Variants in GRXCR1 observed in about 807,000 individuals in gnomAD.
The protein encoded by GRXCR1 is glutaredoxin and cysteine rich domain containing 1.
In GRXCR1, 27 loss-of-function variants were observed where a neutral mutation model predicts 27.3. The observed-to-expected ratio is 0.99, with a 90% CI of 0.73 to 1.37. The LOEUF (loss-of-function observed/expected upper bound fraction) is 1.37. GRXCR1 is among the 40% of genes most tolerant of loss of function. The pLI, the probability that GRXCR1 is intolerant of heterozygous loss-of-function variation, is 0.00. For synonymous variants in GRXCR1, 122 were observed against 131.1 expected (o/e 0.93, Z 0.47); for missense variants, 379 against 354.4 (o/e 1.07, Z -0.56).
intron 1 of GRXCR1, among the ~76,000 whole-genome samples, chr4:42,930,518 G>T (rs1747282222): frequency 6.6e-6 from 1 of 151,850 alleles, no homozygotes; most frequent in African/African-American, 2.4e-5. Context: ...CCTCTATGTA[G>T]TTGTCTAGCT....
At chr4:42,965,983 T>C (rs1748229045) in intron 2 of GRXCR1, among the ~76,000 whole-genome samples, 1 of 151,954 alleles carries the variant, frequency 6.6e-6, no homozygotes, top group African/African-American at 2.4e-5. Flanking sequence ...GCTCTTTTTT[T>C]CCTGATGACT....
chr4:43,025,548 C>A (rs765735523), intron 3 of GRXCR1, among the ~76,000 whole-genome samples: 5 of 152,202 alleles, frequency 3.3e-5, no homozygotes, highest in African/African-American at 4.8e-5. Flanking sequence ...CTTGTCTCAA[C>A]CCAAACCACT....
At chr4:43,005,821 G>A (rs928262252) in intron 2 of GRXCR1, among the ~76,000 whole-genome samples, 1 of 152,152 alleles carries the variant, frequency 6.6e-6, no homozygotes, top group Non-Finnish European at 1.5e-5. Context: ...ATACAGCATG[G>A]TCTTCATGAA....
intron 1 of GRXCR1, among the ~76,000 whole-genome samples, chr4:42,911,639 G>A (rs935820960): frequency 4.6e-5 from 7 of 152,036 alleles, no homozygotes; most frequent in African/African-American, 1.7e-4. Flanking sequence ...ATTTACAGCA[G>A]TGACTATGGG....
rs190329800 is a variant in GRXCR1, at chr4:42,898,415, T to C, written c.384+4765T>C. The stretch of plus-strand genomic sequence containing the variant: ...AAGAGGATGACTTGTTTACCTCAAG[T>C]ATACTGGTGCTTACAGTGGTTCACT... On this transcript the variant is annotated intron_variant, in intron 1 of 3. Coordinates refer to ENST00000399770, the MANE Select transcript of GRXCR1 (RefSeq NM_001080476.3). Among the ~76,000 whole-genome samples, 235 of 152,004 alleles carry C rather than the reference T, an allele frequency of 1.5e-3. 2 individuals are homozygous for C. Among genetic ancestry groups the C allele is most frequent in the African/African-American group, 4.7e-3 (197 of 41,570 alleles).
At chr4:43,012,868 C>G (rs1435706460) in intron 2 of GRXCR1, among the ~76,000 whole-genome samples, 1 of 151,912 alleles carries the variant, frequency 6.6e-6, no homozygotes, top group Admixed American at 6.6e-5. Flanking sequence ...TCAAATAATC[C>G]CGTTAAAAAT....
chr4:43,029,604 A>G lies in GRXCR1; in HGVS notation c.694-757A>G, dbSNP rs139471751. Among the ~76,000 whole-genome samples the G allele has an allele frequency of 6.1e-4, 93 of 152,270 alleles. 1 individual carries two copies. The highest frequency in any genetic ancestry group is 2.2e-3 in the African/African-American group (91 of 41,574). On this transcript the variant is annotated intron_variant, in intron 3 of 3. Coordinates refer to ENST00000399770, the MANE Select transcript of GRXCR1 (RefSeq NM_001080476.3). ...TTAAAAGTATTACTCTCAACACACT[A>G]TCGGGCTATTTTCATTCTATTATCA...
At chr4:42,944,753 C>A (rs1747703649) in intron 1 of GRXCR1, among the ~76,000 whole-genome samples, 1 of 152,102 alleles carries the variant, frequency 6.6e-6, no homozygotes, top group Non-Finnish European at 1.5e-5. Flanking sequence ...TAATTCTGTG[C>A]AAGTCCAGGT....
chr4:42,924,303 A>ATG (rs1269323695), intron 1 of GRXCR1, among the ~76,000 whole-genome samples: 3 of 152,032 alleles, frequency 2.0e-5, no homozygotes, highest in Admixed American at 2.0e-4. Flanking sequence ...AAACACACAT[A>ATG]TGTGTGTGTG....
intron 1 of GRXCR1, among the ~76,000 whole-genome samples, chr4:42,949,854 A>G (rs1747839993): frequency 6.6e-6 from 1 of 152,146 alleles, no homozygotes; most frequent in African/African-American, 2.4e-5. Context: ...TCAAATTCTG[A>G]ATTTTCACTG....
At chr4:42,964,763 T>C (rs1280347822) in intron 2 of GRXCR1, among the ~76,000 whole-genome samples, 1 of 152,012 alleles carries the variant, frequency 6.6e-6, no homozygotes, top group Admixed American at 6.6e-5. Flanking sequence ...CAAAGTAAGT[T>C]TTCAAATGAA....
intron 2 of GRXCR1, among the ~76,000 whole-genome samples, chr4:42,992,183 C>T (rs2109791607): frequency 6.6e-6 from 1 of 152,234 alleles, no homozygotes; most frequent in South Asian, 2.1e-4. Context: ...CCACCTTACT[C>T]AGAAATCCTT....
At chr4:42,977,096 C>T (rs1748543274) in intron 2 of GRXCR1, among the ~76,000 whole-genome samples, 1 of 152,038 alleles carries the variant, frequency 6.6e-6, no homozygotes, top group Non-Finnish European at 1.5e-5. Context: ...AGTTATTTCA[C>T]TTGACATAAT....
At position 43,022,852 on chromosome 4, in the gene GRXCR1, A is replaced by T. The variant is rs1361220023; in HGVS notation, c.693+2433A>T. 2.0e-5 allele frequency among the ~76,000 whole-genome samples: 3 copies of T among 152,240 alleles called. No homozygotes were observed. In the East Asian group the frequency reaches 5.8e-4, roughly 29 times the overall value. On this transcript the variant is annotated intron_variant, in intron 3 of 3. Transcript: ENST00000399770. ...ACATTTCAGTCCTTACTATATAGCAAGATATATTCCCGGCATTTTATATGT... is the reference window on the plus strand; with the variant it reads ...ACATTTCAGTCCTTACTATATAGCATGATATATTCCCGGCATTTTATATGT...
rs761965750 is a variant in GRXCR1 at position 43,001,546 on chromosome 4, C to T, written c.628-18808C>T. ...GGGGAGAAATGTTTTTATTTGTACT[C>T]GTAAAAACACATGTCCTCGGTGTAT... On this transcript the variant is annotated intron_variant, in intron 2 of 3. Transcript: ENST00000399770. Among the ~76,000 whole-genome samples the T allele has an allele frequency of 7.2e-5, 11 of 152,224 alleles. No individual in the cohort carries two copies. In the East Asian group the frequency reaches 1.2e-3, roughly 16 times the overall value.
chr4:42,982,118 A>C (rs925883327), intron 2 of GRXCR1, among the ~76,000 whole-genome samples: 19 of 151,166 alleles, frequency 1.3e-4, no homozygotes, highest in African/African-American at 4.6e-4. Flanking sequence ...AGTTAGTTAC[A>C]TATGTATACA....
At chr4:42,948,327 C>T (rs1178975762) in intron 1 of GRXCR1, among the ~76,000 whole-genome samples, 1 of 151,710 alleles carries the variant, frequency 6.6e-6, no homozygotes, top group African/African-American at 2.4e-5. Flanking sequence ...GGCAAATTAT[C>T]TCCCCTTCTT....
In GRXCR1 at chr4:42,930,311, C is replaced by A. The variant is rs1029405818; in HGVS notation, c.385-32581C>A. ...CTCCATCATGAGGAATTTCTCTAGA[C>A]CATTTCCCCATCTCAGTCAGGACTT... On this transcript the variant is annotated intron_variant, in intron 1 of 3. Transcript: ENST00000399770. Among the ~76,000 whole-genome samples the A allele has an allele frequency of 3.9e-5, 6 of 152,090 alleles. No individual in the cohort carries two copies. In the South Asian group the frequency reaches 1.2e-3, roughly 32 times the overall value.
At chr4:42,923,391 G>A (rs1747067184) in intron 1 of GRXCR1, among the ~76,000 whole-genome samples, 1 of 152,160 alleles carries the variant, frequency 6.6e-6, no homozygotes, top group African/African-American at 2.4e-5. Flanking sequence ...TAGTCCATTC[G>A]AGGCCCAATA....
Sources: allele counts gnomAD v4.1 joint callset (sites outside exome capture counted in the v4.1 genomes callset), GRCh38; gene constraint gnomAD v4.1.1; transcripts MANE v1.5; gene names NCBI Gene and HGNC (gene_info 2026-07-23, HGNC 2026-07-21).